The following LUZP1 variants were observed in gnomAD, a reference collection of about 807,000 sequenced individuals.
The protein encoded by LUZP1 is filamin mechanobinding actin cross-linking protein.
Under a neutral mutation model 71.3 loss-of-function variants are expected in LUZP1, and 25 were observed. The ratio of observed to expected loss-of-function variants is 0.35; its 90% CI spans 0.26 to 0.49. LUZP1 has a LOEUF of 0.49. Ranked by LOEUF, LUZP1 falls within the 20% of genes least tolerant of loss-of-function variation. LUZP1 has a pLI of 0.99. For missense variants in LUZP1, 1,142 were observed against 1,300.8 expected (o/e 0.88, Z 1.88); for synonymous variants, 481 against 506.4 (o/e 0.95, Z 0.67).
chr1:23,111,238 C>T (rs1569587949), intron 2 of LUZP1, among the ~76,000 whole-genome samples: 1 of 145,048 alleles, frequency 6.9e-6, no homozygotes, highest in South Asian at 2.3e-4. Flanking sequence ...ATAATAAAAA[C>T]AGCTAGAAAA....
At chr1:23,162,754 T>C (rs1644478619) in intron 2 of LUZP1, 1 of 152,202 alleles carries the variant, frequency 6.6e-6, no homozygotes, top group African/African-American at 2.4e-5. Flanking sequence ...ACAGGGAAGA[T>C]TAGTATGTGC....
At chr1:23,174,293 T>C (rs959633503) in intron 1 of LUZP1, among the ~76,000 whole-genome samples, 4 of 152,180 alleles carry the variant, frequency 2.6e-5, no homozygotes, top group Non-Finnish European at 4.4e-5. Context: ...CAAATTTTCC[T>C]TCCTCCTCTT....
chr1:23,171,302 G>A (rs980545330), intron 1 of LUZP1, among the ~76,000 whole-genome samples: 2 of 152,126 alleles, frequency 1.3e-5, no homozygotes, highest in African/African-American at 4.8e-5. Context: ...CCATTGGAAT[G>A]GAAACCAGCA....
intron 2 of LUZP1, among the ~76,000 whole-genome samples, chr1:23,142,700 TACACACACACACACACAC>T (rs60316911): frequency 8.1e-4 from 85 of 104,382 alleles, no homozygotes; most frequent in Middle Eastern, 4.5e-3. Context: ...TATATATATA[TACACACACACACACACAC>T]ACACACACAC....
At position 23,110,667 on chromosome 1, in the gene LUZP1, C is replaced by CT. The variant is rs1557647789; in HGVS notation, c.-225-1541_-225-1540insA. Among the ~76,000 whole-genome samples, 367 of 151,970 alleles carry CT rather than the reference C, an allele frequency of 2.4e-3. 4 individuals carry two copies. The highest frequency in any genetic ancestry group is 8.2e-3 in the African/African-American group (342 of 41,462). On this transcript the variant is annotated intron_variant, in intron 2 of 4. Transcript: ENST00000302291. ...ACACACACACACACACACACACACC[C>CT]ATCCCTGCCTCTATCTTCCCAGAGA...
intron 2 of LUZP1, among the ~76,000 whole-genome samples, chr1:23,158,773 C>T (rs1219357463): frequency 6.7e-6 from 1 of 148,734 alleles, no homozygotes; most frequent in Non-Finnish European, 1.5e-5. Context: ...TCAAGACTAG[C>T]CTGGCCAACA....
rs1004451139 is a variant in LUZP1, at chr1:23,139,088, T to C, written c.-226+29678A>G. On this transcript the variant is annotated intron_variant, in intron 2 of 4. Coordinates refer to ENST00000302291, the Ensembl canonical transcript of LUZP1. ...ATTTTGTATATATAATGTGTGTGTA[T>C]ATATATAGATTATATATAGATATAG... Among the ~76,000 whole-genome samples the C allele has an allele frequency of 3.5e-5, 5 of 144,296 alleles. No individual in the cohort carries two copies. The South Asian group carries it at 1.1e-3, about 31-fold the overall frequency. The allele number at this position is 144,296 out of a possible 152,430, so 94.7% of individuals were successfully genotyped here.
chr1:23,149,960 C>CAAA (rs66680455), intron 2 of LUZP1, among the ~76,000 whole-genome samples: 919 of 75,784 alleles, frequency 0.012, 49 homozygotes, highest in Non-Finnish European at 0.015. Flanking sequence ...GACTCCGTCT[C>CAAA]AAAAAAAAAA....
chr1:23,143,967 C>T (rs6426786), intron 2 of LUZP1, among the ~76,000 whole-genome samples: 70,747 of 151,996 alleles, frequency 0.47, 17,008 homozygotes, highest in African/African-American at 0.58. Flanking sequence ...GCTTTATCTA[C>T]CTTCAATCAT....
At chr1:23,165,165 T>C (rs1273752788) in intron 2 of LUZP1, among the ~76,000 whole-genome samples, 1 of 152,182 alleles carries the variant, frequency 6.6e-6, no homozygotes, top group African/African-American at 2.4e-5. Context: ...TCTCACAGTA[T>C]TGAATCTGAG....
intron 2 of LUZP1, among the ~76,000 whole-genome samples, chr1:23,151,832 T>C (rs1178313523): frequency 1.3e-5 from 2 of 151,988 alleles, no homozygotes; most frequent in Non-Finnish European, 2.9e-5. Flanking sequence ...TGAAACCCCA[T>C]CTCTAATAAA....
intron 2 of LUZP1, among the ~76,000 whole-genome samples, chr1:23,148,954 G>T (rs950118372): frequency 6.6e-6 from 1 of 151,544 alleles, no homozygotes; most frequent in African/African-American, 2.4e-5. Context: ...GGTGGCACAT[G>T]CGTATGGTCC....
chr1:23,117,342 T>C (rs1644087627), intron 2 of LUZP1, among the ~76,000 whole-genome samples: 1 of 151,982 alleles, frequency 6.6e-6, no homozygotes, highest in Non-Finnish European at 1.5e-5. Flanking sequence ...GTTGTAAGGA[T>C]TATATAAAAA....
chr1:23,140,630 G>A (rs1644295712), intron 2 of LUZP1: 1 of 152,116 alleles, frequency 6.6e-6, no homozygotes, highest in South Asian at 2.1e-4. Context: ...GACCACCAAG[G>A]AGGAGGGCAT....
At chr1:23,089,460 C>A (rs1643819830) in intron 4 of LUZP1, among the ~76,000 whole-genome samples, 1 of 152,130 alleles carries the variant, frequency 6.6e-6, no homozygotes, top group Admixed American at 6.5e-5. Context: ...AAGAGAGGTC[C>A]GGACAGCTCT....
chr1:23,149,591 G>C (rs1557682462), intron 2 of LUZP1, among the ~76,000 whole-genome samples: 1 of 152,178 alleles, frequency 6.6e-6, no homozygotes, highest in African/African-American at 2.4e-5. Flanking sequence ...TTACAGTAGT[G>C]TTGGGGACAG....
At position 23,094,297 on chromosome 1, in the gene LUZP1, C is replaced by G; in HGVS notation, c.-36G>C. The G allele has an allele frequency of 6.5e-7, 1 of 1,540,282 alleles. No individual in the cohort carries two copies. Among genetic ancestry groups the G allele is most frequent in the Non-Finnish European group, 8.7e-7 (1 of 1,148,238 alleles). On this transcript the variant is annotated 5_prime_UTR_variant, in exon 4 of 5. Transcript: ENST00000302291. The surrounding 1 kb of genome is among the most constrained non-coding windows in gnomAD (Gnocchi z 4.7). The stretch of plus-strand genomic sequence containing the variant: ...AGCCAATGTGGGCTCCTAGAGGCAT[C>G]CAATTCCACTCAAGGGGATGAGAAA...
chr1:23,098,006 G>A (rs920460068), intron 3 of LUZP1, among the ~76,000 whole-genome samples: 4 of 152,192 alleles, frequency 2.6e-5, no homozygotes, highest in Non-Finnish European at 4.4e-5. Flanking sequence ...TGGGACATGT[G>A]TATGAGATGT....
chr1:23,154,916 AT>A (rs1644410988), intron 2 of LUZP1, among the ~76,000 whole-genome samples: 1 of 151,568 alleles, frequency 6.6e-6, no homozygotes, highest in Non-Finnish European at 1.5e-5. Flanking sequence ...CCTCCCATCT[AT>A]TTTTCCATCA....
Sources: gnomAD v4.1 joint callset for allele counts (sites outside exome capture counted in the v4.1 genomes callset) on GRCh38, gnomAD v4.1.1 for gene constraint, Gnocchi (gnomAD v3.1) non-coding constraint, MANE v1.5 for transcripts, NCBI Gene and HGNC (gene_info 2026-07-23, HGNC 2026-07-21) for gene names.